Variants in TBC1D16 observed in about 807,000 individuals in gnomAD.
TBC1D16 encodes the protein CTD-2529O21.1.
Under a neutral mutation model 74.7 loss-of-function variants are expected in TBC1D16, and 58 were observed. The observed-to-expected ratio is 0.78, with a 90% CI of 0.63 to 0.97. The LOEUF (loss-of-function observed/expected upper bound fraction) is 0.97, where lower values mean the gene tolerates loss of function less well. Ranked by LOEUF, TBC1D16 falls within the 50% of genes least tolerant of loss-of-function variation. The probability of loss-of-function intolerance (pLI) is 0.00; values close to 1 mark genes in which losing one functional copy is unlikely to be tolerated. For synonymous variants in TBC1D16, 493 were observed against 474.7 expected (o/e 1.04, Z -0.50); for missense variants, 1,014 against 1,079.5 (o/e 0.94, Z 0.85).
chr17:80,003,616 C>A (rs1219536778), intron 3 of TBC1D16, among the ~76,000 whole-genome samples: 1 of 150,748 alleles, frequency 6.6e-6, no homozygotes, highest in South Asian at 2.1e-4. Flanking sequence ...AATATAATCA[C>A]AGAATAACAT....
At position 79,950,886 on chromosome 17, in the gene TBC1D16, G is replaced by A. The variant is rs562596149; in HGVS notation, c.1090-308C>T. 1.1e-5 allele frequency: 16 copies of A among 1,482,142 alleles called. No homozygotes were observed. The highest frequency in any genetic ancestry group is 7.7e-5 in the South Asian group (6 of 77,486). The allele number at this position is 1,482,142 out of a possible 1,614,324, so 91.8% of individuals were successfully genotyped here. A position where few individuals can be genotyped will look rare whatever the true frequency, so the allele number is the denominator to read the frequency against. ...TCGTTCGGCCTAACTTCCCTCTGCCGGGAGGGCCTGCAATGAATTACATGT... is the reference window on the plus strand; with the variant it reads ...TCGTTCGGCCTAACTTCCCTCTGCCAGGAGGGCCTGCAATGAATTACATGT... On this transcript the variant is annotated intron_variant, in intron 5 of 11. Transcript: ENST00000310924. This position sits in a 1 kb window ranked among gnomAD's most constrained non-coding sequence, Gnocchi z 4.6.
In TBC1D16 at chr17:79,956,797, C is replaced by T. The variant is rs961353821; in HGVS notation, c.780-3979G>A. 6.6e-6 allele frequency among the ~76,000 whole-genome samples: 1 copy of T among 152,164 alleles called. No homozygotes were observed. Among genetic ancestry groups the T allele is most frequent in the Non-Finnish European group, 1.5e-5 (1 of 68,020 alleles). On this transcript the variant is annotated intron_variant, in intron 3 of 11. Transcript: ENST00000310924. This position sits in a 1 kb window ranked among gnomAD's most constrained non-coding sequence, Gnocchi z 4.0. ...GCCTTTTAAGTTTGCTGAAAAAAGT[C>T]GATGAGAACCCAGCTGTAGGTCCCA...
At chr17:79,996,760 A>C (rs1293394619) in intron 3 of TBC1D16, among the ~76,000 whole-genome samples, 1 of 152,142 alleles carries the variant, frequency 6.6e-6, no homozygotes, top group Non-Finnish European at 1.5e-5. Context: ...CTAATCACAC[A>C]ATCAATCCAC....
chr17:80,019,609 A>G (rs2036217551), intron 1 of TBC1D16, among the ~76,000 whole-genome samples: 1 of 150,024 alleles, frequency 6.7e-6, no homozygotes, highest in Non-Finnish European at 1.5e-5. Flanking sequence ...AATCCAACCT[A>G]GTTCCCAACC....
At chr17:79,995,503 C>T (rs1431726556) in intron 3 of TBC1D16, among the ~76,000 whole-genome samples, 3 of 151,584 alleles carry the variant, frequency 2.0e-5, no homozygotes, top group Non-Finnish European at 2.9e-5. Context: ...CCTTCAGGAT[C>T]GGCCGGGCGC....
chr17:79,997,321 T>C (rs539839938), intron 3 of TBC1D16, among the ~76,000 whole-genome samples: 1 of 151,114 alleles, frequency 6.6e-6, no homozygotes, highest in East Asian at 1.9e-4. Flanking sequence ...TGGGGGGAAG[T>C]GGGTGAAGGG....
Position 80,029,598 on chromosome 17 carries a change from C to G in TBC1D16, c.-63+6197G>C, listed in dbSNP as rs1416664184. Among the ~76,000 whole-genome samples, 4 of 152,120 alleles carry G rather than the reference C, an allele frequency of 2.6e-5. No individual in the cohort carries two copies. The South Asian group carries it at 6.2e-4, about 24-fold the overall frequency. Reference sequence around the variant, plus strand: ...CTGCCCAAGATTTGGTGACTTATACCCTAGAAAAGAGAGTCCTCCTCAATG... The same window carrying G: ...CTGCCCAAGATTTGGTGACTTATACGCTAGAAAAGAGAGTCCTCCTCAATG... On this transcript the variant is annotated intron_variant, in intron 1 of 11. Coordinates refer to ENST00000310924, the MANE Select transcript of TBC1D16 (RefSeq NM_019020.4).
chr17:79,950,177 T>TC lies in TBC1D16; in HGVS notation c.1257+233dup, dbSNP rs899040650. The stretch of plus-strand genomic sequence containing the variant: ...CCCTTCTATGCAGGCTGACACGGTA[T>TC]CCCCCCAAACCCTCGAGGGAGGTGT... On this transcript the variant is annotated intron_variant, in intron 6 of 11. Transcript: ENST00000310924. The surrounding 1 kb of genome is among the most constrained non-coding windows in gnomAD (Gnocchi z 4.6). 1.3e-4 allele frequency among the ~76,000 whole-genome samples: 19 copies of TC among 150,998 alleles called. No homozygotes were observed. Among genetic ancestry groups the TC allele is most frequent in the African/African-American group, 3.6e-4 (15 of 41,236 alleles).
Position 79,944,965 on chromosome 17 carries a change from C to A in TBC1D16, c.1851G>T (p.Arg617=), listed in dbSNP as rs1042651642. 2 of 1,558,580 alleles carry A rather than the reference C, an allele frequency of 1.3e-6. No homozygotes were observed. Among genetic ancestry groups the A allele is most frequent in the Non-Finnish European group, 8.7e-7 (1 of 1,150,976 alleles). The stretch of plus-strand genomic sequence containing the variant: ...GCAGCGCTTCGGCCTCGGGGAACTC[C>A]CGCTTGAAGCACAGAAGGAGCCAGC... The part of the protein sequence containing the change: ...CHRWLLLCFK[R]EFPEAEALRI... The change falls in exon 10 of 12, where the codon CGG becomes CGT. Residue 617 remains arginine (R), a synonymous_variant. Coordinates refer to ENST00000310924, the MANE Select transcript of TBC1D16 (RefSeq NM_019020.4). The surrounding 1 kb of genome is among the most constrained non-coding windows in gnomAD (Gnocchi z 7.7).
intron 3 of TBC1D16, among the ~76,000 whole-genome samples, chr17:79,962,604 T>C (rs115810031): frequency 6.6e-6 from 1 of 152,140 alleles, no homozygotes; most frequent in South Asian, 2.1e-4. Context: ...CAGAACTCTT[T>C]TCATCTTGTA....
chr17:80,024,689 A>T lies in TBC1D16; in HGVS notation c.-62-11080T>A, dbSNP rs1034332390. ...AGACACACAGACACACATGCCATAG[A>T]CACACATGCCACACACGACACACCA... On this transcript the variant is annotated intron_variant, in intron 1 of 11. Coordinates refer to ENST00000310924, the MANE Select transcript of TBC1D16 (RefSeq NM_019020.4). Among the ~76,000 whole-genome samples the T allele has an allele frequency of 1.0e-3, 3 of 2,940 alleles. 1 individual carries two copies. The highest frequency in any genetic ancestry group is 3.3e-3 in the African/African-American group (3 of 918). The allele number at this position is 2,940 out of a possible 152,430, so 1.9% of individuals were successfully genotyped here.
At chr17:79,965,343 A>G (rs1018818485) in intron 3 of TBC1D16, among the ~76,000 whole-genome samples, 4 of 152,112 alleles carry the variant, frequency 2.6e-5, no homozygotes, top group Admixed American at 2.0e-4. Context: ...CGGCCTCCCA[A>G]AGTGCTGGGA....
rs935431358 is a variant in TBC1D16 at position 79,961,951 on chromosome 17, C to A, written c.780-9133G>T. Among the ~76,000 whole-genome samples, 5 of 152,084 alleles carry A rather than the reference C, an allele frequency of 3.3e-5. No homozygotes were observed. The highest frequency in any genetic ancestry group is 1.5e-5 in the Non-Finnish European group (1 of 68,016). On this transcript the variant is annotated intron_variant, in intron 3 of 11. Transcript: ENST00000310924. This position sits in a 1 kb window ranked among gnomAD's most constrained non-coding sequence, Gnocchi z 4.8. ...ATCAACAGCCAATGCAGTAATGAAT[C>A]GTGGTCTGTACATACCATGGCATAC... is the stretch of plus-strand genomic sequence containing the variant.
In TBC1D16 at chr17:80,010,111, C is replaced by T. The variant is rs1442907258; in HGVS notation, c.779+49G>A. On this transcript the variant is annotated intron_variant, in intron 3 of 11. Transcript: ENST00000310924. This position sits in a 1 kb window ranked among gnomAD's most constrained non-coding sequence, Gnocchi z 8.8. ...GCAGGTGAGTGCTTCCTGCCCAGGTCAGGCCTTGGGGGCCTCCCGAGAGCC... is the reference window on the plus strand; with the variant it reads ...GCAGGTGAGTGCTTCCTGCCCAGGTTAGGCCTTGGGGGCCTCCCGAGAGCC... 2 of 1,489,526 alleles carry T rather than the reference C, an allele frequency of 1.3e-6. No homozygotes were observed. Among genetic ancestry groups the T allele is most frequent in the African/African-American group, 2.8e-5 (2 of 71,912 alleles). The allele number at this position is 1,489,526 out of a possible 1,614,324, so 92.3% of individuals were successfully genotyped here.
chr17:80,006,868 C>T (rs577604879), intron 3 of TBC1D16, among the ~76,000 whole-genome samples: 2 of 152,248 alleles, frequency 1.3e-5, no homozygotes, highest in East Asian at 3.9e-4. Flanking sequence ...GCCATTTTCC[C>T]CAGGCTGGTC....
rs746869108 is a variant in TBC1D16 at position 79,947,851 on chromosome 17, G to A, written c.1542-20C>T. Reference sequence around the variant, plus strand: ...ATCCTCCTGGGAGGCGGTGGAGACAGCAGTGGGTGGGGATGACCCTCACCG... The same window carrying A: ...ATCCTCCTGGGAGGCGGTGGAGACAACAGTGGGTGGGGATGACCCTCACCG... On this transcript the variant is annotated intron_variant, in intron 8 of 11. Coordinates refer to ENST00000310924, the MANE Select transcript of TBC1D16 (RefSeq NM_019020.4). 3.1e-6 allele frequency: 5 copies of A among 1,607,692 alleles called. No homozygotes were observed. Among genetic ancestry groups the A allele is most frequent in the Non-Finnish European group, 4.3e-6 (5 of 1,176,086 alleles).
rs548431943 is a variant in TBC1D16 at position 79,973,201 on chromosome 17, G to GT, written c.780-20384dup. Among the ~76,000 whole-genome samples, 1,239 of 152,342 alleles carry GT rather than the reference G, an allele frequency of 8.1e-3. 15 individuals carry two copies. Among genetic ancestry groups the GT allele is most frequent in the African/African-American group, 0.028 (1,173 of 41,572 alleles). On this transcript the variant is annotated intron_variant, in intron 3 of 11. Transcript: ENST00000310924. ...TAGTGCCAAAACCTATAAATACTATGTTTTCCCTATACATACACACCTATG... is the reference window on the plus strand; with the variant it reads ...TAGTGCCAAAACCTATAAATACTATGTTTTTCCCTATACATACACACCTATG...
At chr17:79,998,328 G>T (rs1324183015) in intron 3 of TBC1D16, among the ~76,000 whole-genome samples, 2 of 150,536 alleles carry the variant, frequency 1.3e-5, no homozygotes, top group African/African-American at 4.9e-5. Flanking sequence ...TTTCAGACTG[G>T]TGTTTTTTGT....
chr17:79,969,306 A>C (rs2033976642), intron 3 of TBC1D16, among the ~76,000 whole-genome samples: 1 of 152,148 alleles, frequency 6.6e-6, no homozygotes. Context: ...GAATCGCTTG[A>C]ACCTAGGAAG....
Sources: allele counts gnomAD v4.1 joint callset (sites outside exome capture counted in the v4.1 genomes callset), GRCh38; gene constraint gnomAD v4.1.1; non-coding constraint Gnocchi (gnomAD v3.1); transcripts MANE v1.5; gene names NCBI Gene and HGNC (gene_info 2026-07-23, HGNC 2026-07-21).